Variants in PTPRD observed in about 807,000 individuals in gnomAD.
The protein encoded by PTPRD is receptor-type tyrosine-protein phosphatase delta.
In PTPRD, 34 loss-of-function variants were observed where a neutral mutation model predicts 214.5. The ratio of observed to expected loss-of-function variants is 0.16; its 90% CI spans 0.12 to 0.21. The LOEUF is 0.21. Ranked by LOEUF, PTPRD falls within the 10% of genes least tolerant of loss-of-function variation. The pLI is 1.00. For missense variants in PTPRD, 2,545 were observed against 2,398.7 expected (o/e 1.06, Z -1.27); for synonymous variants, 1,128 against 845.7 (o/e 1.33, Z -5.79).
rs1449978600 is a variant in PTPRD at position 8,317,932 on chromosome 9, T to A, written c.5681A>T (p.Gln1894Leu). ...CTCTAGTGCGGCACGATAGGAAAACTGATATTGATCCTGCAGGAGACAATG... is the reference window on the plus strand; with the variant it reads ...CTCTAGTGCGGCACGATAGGAAAACAGATATTGATCCTGCAGGAGACAATG... ...PAMVQTEDQY[Q>L]FSYRAALEYL... Residue 1894 changes from glutamine (Q) to leucine (L), a missense_variant, in exon 46 of 46, where the codon CAG (glutamine) becomes CTG (leucine). By Grantham distance (113) the Gln-to-Leu change is moderately radical. Transcript: ENST00000381196. 1.2e-6 allele frequency: 2 copies of A among 1,611,830 alleles called. No homozygotes were observed. Among genetic ancestry groups the A allele is most frequent in the Non-Finnish European group, 1.7e-6 (2 of 1,178,480 alleles).
At chr9:9,769,418 C>T (rs1442850413) in intron 5 of PTPRD, among the ~76,000 whole-genome samples, 5 of 149,224 alleles carry the variant, frequency 3.4e-5, no homozygotes, top group African/African-American at 4.9e-5. Context: ...CTCCGCCTCC[C>T]GGGTTCACAC....
intron 4 of PTPRD, among the ~76,000 whole-genome samples, chr9:9,996,398 A>T (rs964875832): frequency 3.3e-4 from 50 of 152,218 alleles, no homozygotes; most frequent in African/African-American, 1.2e-3. Flanking sequence ...GGAGAGGCTG[A>T]TAAAATAAAA....
At chr9:9,114,765 G>A (rs2099810681) in intron 10 of PTPRD, among the ~76,000 whole-genome samples, 1 of 152,052 alleles carries the variant, frequency 6.6e-6, no homozygotes, top group Non-Finnish European at 1.5e-5. Context: ...CAGATGGCCG[G>A]CATTAGGGGG....
At chr9:8,569,076 T>C (rs2090315968) in intron 14 of PTPRD, among the ~76,000 whole-genome samples, 1 of 152,092 alleles carries the variant, frequency 6.6e-6, no homozygotes, top group Admixed American at 6.6e-5. Context: ...CCTTCCTACC[T>C]CCAGAGGCTT....
rs192280594 is a variant in PTPRD at position 9,943,562 on chromosome 9, T to C, written c.-471-4952A>G. 6.6e-5 allele frequency among the ~76,000 whole-genome samples: 10 copies of C among 152,256 alleles called. No homozygotes were observed. The East Asian group carries it at 1.7e-3, about 26-fold the overall frequency. On this transcript the variant is annotated intron_variant, in intron 4 of 45. Transcript: ENST00000381196. ...TGGAGGAGACAATGAATAGCGAACA[T>C]GTAATTAAGCAAATAATATGCTATA...
At chr9:9,477,345 T>C (rs907537065) in intron 8 of PTPRD, among the ~76,000 whole-genome samples, 1 of 152,222 alleles carries the variant, frequency 6.6e-6, no homozygotes, top group Non-Finnish European at 1.5e-5. Flanking sequence ...AGGATGCTCA[T>C]GTTTCTCATA....
At chr9:9,077,154 G>GT (rs71317399) in intron 10 of PTPRD, among the ~76,000 whole-genome samples, 34,625 of 144,474 alleles carry the variant, frequency 0.24, 4,280 homozygotes, top group East Asian at 0.43. Flanking sequence ...CAGATTATTA[G>GT]TTTTTTTTTT....
intron 7 of PTPRD, among the ~76,000 whole-genome samples, chr9:9,687,498 G>A (rs975634728): frequency 1.3e-5 from 2 of 151,186 alleles, no homozygotes; most frequent in African/African-American, 2.4e-5. Flanking sequence ...TAGTCCTCAG[G>A]AAACTGAAAA....
chr9:10,201,018 C>A (rs930717524), intron 3 of PTPRD, among the ~76,000 whole-genome samples: 4 of 151,998 alleles, frequency 2.6e-5, no homozygotes, highest in Non-Finnish European at 5.9e-5. Flanking sequence ...GGAGAAATCA[C>A]AATTATTCTA....
At chr9:9,503,871 A>AT (rs2096498940) in intron 8 of PTPRD, among the ~76,000 whole-genome samples, 1 of 151,702 alleles carries the variant, frequency 6.6e-6, no homozygotes, top group Admixed American at 6.6e-5. Flanking sequence ...GCCACCTTAC[A>AT]TAAAAAAAAA....
At chr9:8,482,426 T>C (rs1321583140) in intron 30 of PTPRD, among the ~76,000 whole-genome samples, 1 of 151,946 alleles carries the variant, frequency 6.6e-6, no homozygotes, top group African/African-American at 2.4e-5. Flanking sequence ...TCTACCACTA[T>C]CTCTATGGCG....
At chr9:9,634,198 A>G (rs978461430) in intron 7 of PTPRD, among the ~76,000 whole-genome samples, 4 of 152,160 alleles carry the variant, frequency 2.6e-5, no homozygotes, top group Non-Finnish European at 5.9e-5. Flanking sequence ...AACTCTGTTC[A>G]AATATGGGTG....
chr9:9,391,570 G>A (rs962272815), intron 9 of PTPRD, among the ~76,000 whole-genome samples: 1 of 152,006 alleles, frequency 6.6e-6, no homozygotes, highest in African/African-American at 2.4e-5. Flanking sequence ...TATCTGTTTT[G>A]CATACACAAA....
chr9:9,169,934 C>A (rs1377262531), intron 10 of PTPRD, among the ~76,000 whole-genome samples: 3 of 152,114 alleles, frequency 2.0e-5, no homozygotes, highest in Non-Finnish European at 2.9e-5. Context: ...CCTGGAACTG[C>A]AAGATTTGAT....
At chr9:9,062,395 T>C (rs925250375) in intron 10 of PTPRD, among the ~76,000 whole-genome samples, 2 of 152,246 alleles carry the variant, frequency 1.3e-5, no homozygotes, top group Non-Finnish European at 2.9e-5. Flanking sequence ...TTGTGGCTGA[T>C]GGAAGAAATT....
intron 14 of PTPRD, among the ~76,000 whole-genome samples, chr9:8,559,037 T>A (rs1445290887): frequency 1.1e-4 from 16 of 152,234 alleles, no homozygotes; most frequent in African/African-American, 3.4e-4. Context: ...GTCTAATAGC[T>A]AACTGAAGTT....
chr9:9,880,487 T>C (rs1320735057), intron 5 of PTPRD, among the ~76,000 whole-genome samples: 3 of 152,170 alleles, frequency 2.0e-5, no homozygotes, highest in Admixed American at 2.0e-4. Context: ...TTCTAAACAG[T>C]ATAGAATTTA....
intron 9 of PTPRD, among the ~76,000 whole-genome samples, chr9:9,248,094 T>C (rs2099973858): frequency 6.6e-6 from 1 of 151,696 alleles, no homozygotes; most frequent in Admixed American, 6.6e-5. Context: ...TTATCTATTA[T>C]TATTTTTTTT....
At chr9:10,493,516 T>C (rs562972232) in intron 2 of PTPRD, among the ~76,000 whole-genome samples, 7 of 152,178 alleles carry the variant, frequency 4.6e-5, no homozygotes, top group African/African-American at 1.7e-4. Flanking sequence ...CCCTATGTAA[T>C]AAATGGTGTT....
Sources: gnomAD v4.1 joint callset for allele counts (sites outside exome capture counted in the v4.1 genomes callset) on GRCh38, gnomAD v4.1.1 for gene constraint, MANE v1.5 for transcripts, NCBI Gene and HGNC (gene_info 2026-07-23, HGNC 2026-07-21) for gene names.